The following CNTN2 variants were observed in gnomAD, a reference collection of about 807,000 sequenced individuals.
CNTN2 encodes contactin 2, also known as contactin-2.
In CNTN2, 53 loss-of-function variants were observed where a neutral mutation model predicts 117.5. That is an observed-to-expected ratio of 0.45 (90% confidence interval 0.36 to 0.57). The LOEUF is 0.57. Ranked by LOEUF, CNTN2 falls within the 20% of genes least tolerant of loss-of-function variation. CNTN2 has a pLI of 0.00. For synonymous variants in CNTN2, 530 were observed against 561.7 expected, an observed-to-expected ratio of 0.94 and a Z score of 0.80; for missense variants, 1,106 against 1,404.3, an observed-to-expected ratio of 0.79 and a Z score of 3.39.
At chr1:205,043,609 T>TC (rs960283888) in intron 1 of CNTN2, among the ~76,000 whole-genome samples, 1 of 152,064 alleles carries the variant, frequency 6.6e-6, no homozygotes, top group African/African-American at 2.4e-5. Flanking sequence ...GTGGGCGGCA[T>TC]CCCGCAGGGC....
chr1:205,062,434 G>T lies in CNTN2; in HGVS notation c.1111-6G>T. 1 of 1,611,068 alleles carries T rather than the reference G, an allele frequency of 6.2e-7. No individual in the cohort carries two copies. Among genetic ancestry groups the T allele is most frequent in the Non-Finnish European group, 8.5e-7 (1 of 1,178,510 alleles). On this transcript the variant is annotated splice_polypyrimidine_tract_variant and splice_region_variant and intron_variant, in intron 9 of 22. Transcript: ENST00000331830. Reference sequence around the variant, plus strand: ...ATCCCCCTGGGCTCTGGGCTCTTCTGCACAGAACCGGGTGGAGGTGTTGGC... The same window carrying T: ...ATCCCCCTGGGCTCTGGGCTCTTCTTCACAGAACCGGGTGGAGGTGTTGGC...
At chr1:205,071,911 T>C (rs2151199891) in intron 19 of CNTN2, 36 bp from the exon 20 acceptor site, 2 of 1,575,204 alleles carry the variant, frequency 1.3e-6, no homozygotes, top group South Asian at 2.4e-5. Flanking sequence ...ATCCTGGGCT[T>C]GACTACTACC....
chr1:205,067,345 T>A, intron 16 of CNTN2, 95 bp downstream of exon 16: 2 of 1,456,876 alleles, frequency 1.4e-6, no homozygotes, highest in Non-Finnish European at 1.9e-6. Context: ...TATGCTGAGT[T>A]CCAACCCTGC....
In CNTN2 at chr1:205,059,139, G is replaced by T; in HGVS notation, c.543G>T (p.Gly181=). 6.2e-7 allele frequency: 1 copy of T among 1,614,184 alleles called. No homozygotes were observed. Among genetic ancestry groups the T allele is most frequent in the Non-Finnish European group, 8.5e-7 (1 of 1,180,044 alleles). Residue 181 remains glycine (G), a synonymous_variant, in exon 6 of 23, where the codon GGG becomes GGT. Transcript: ENST00000331830. The surrounding 1 kb of genome is among the most constrained non-coding windows in gnomAD (Gnocchi z 5.6). The part of the protein sequence containing the change: ...NEFPNFIPTD[G]RHFVSQTTGN... ...TCCCCAACTTCATCCCGACGGACGG[G>T]CGTCACTTCGTGTCCCAGACCACAG...
chr1:205,060,553 A>G (rs1224446352), intron 7 of CNTN2: 1 of 151,918 alleles, frequency 6.6e-6, no homozygotes, highest in African/African-American at 2.4e-5. Context: ...TCTCTACTAA[A>G]AATACAAAAA....
Position 205,075,853 on chromosome 1 carries a change from C to G in CNTN2, c.*2088C>G, listed in dbSNP as rs1324328233. The G allele has an allele frequency of 1.3e-5, 2 of 152,244 alleles. No homozygotes were observed. Among genetic ancestry groups the G allele is most frequent in the African/African-American group, 4.8e-5 (2 of 41,464 alleles). 9.4% of individuals were successfully genotyped at this position (152,244 alleles called of 1,614,324 possible). On this transcript the variant is annotated 3_prime_UTR_variant, in exon 23 of 23. Transcript: ENST00000331830. ...TGGCCTAGCATCCCTCCTGGCCCCC[C>G]TCTGGCCACGACTTGGCCTGTGCCT...
chr1:205,072,105 T>C lies in CNTN2; in HGVS notation c.2703T>C (p.Pro901=), dbSNP rs2151200103. The change falls in exon 20 of 23, where the codon CCT becomes CCC. Residue 901 remains proline, a synonymous_variant. Coordinates refer to ENST00000331830, the MANE Select transcript of CNTN2 (RefSeq NM_005076.5). ...YNRAGTGPAS[P]SANATTMKPP... is the part of the protein sequence containing the mutation. ...GGGCTGGCACTGGGCCTGCCAGCCC[T>C]TCTGCCAACGCCACGACCATGAAGC... The C allele has an allele frequency of 1.9e-6, 3 of 1,612,660 alleles. No homozygotes were observed. Among genetic ancestry groups the C allele is most frequent in the Non-Finnish European group, 2.5e-6 (3 of 1,179,616 alleles).
At chr1:205,057,214 A>G (rs1653686426) in intron 2 of CNTN2, 1 of 152,182 alleles carries the variant, frequency 6.6e-6, no homozygotes, top group Non-Finnish European at 1.5e-5. Flanking sequence ...ACAGGTGAAG[A>G]TACTGAGGCT....
chr1:205,059,540 C>A lies in CNTN2; in HGVS notation c.698-43C>A. The A allele has an allele frequency of 6.4e-7, 1 of 1,562,882 alleles. No homozygotes were observed. Among genetic ancestry groups the A allele is most frequent in the Non-Finnish European group, 8.8e-7 (1 of 1,133,460 alleles). On this transcript the variant is annotated intron_variant, in intron 6 of 22. Coordinates refer to ENST00000331830, the MANE Select transcript of CNTN2 (RefSeq NM_005076.5). The surrounding 1 kb of genome is among the most constrained non-coding windows in gnomAD (Gnocchi z 5.6). ...GATCCCATGCACGGGAGCACCTGAC[C>A]TGGAGTCATCTGCATCTGATTTGTA... is the stretch of plus-strand genomic sequence containing the variant.
rs1258531315 is a variant in CNTN2, at chr1:205,075,625, TAC to T, written c.*1862_*1863del. 1 of 152,640 alleles carries T rather than the reference TAC, an allele frequency of 6.6e-6. No individual in the cohort carries two copies. The highest frequency in any genetic ancestry group is 2.4e-5 in the African/African-American group (1 of 41,444). The allele number at this position is 152,640 out of a possible 1,614,324, so 9.5% of individuals were successfully genotyped here. A position where few individuals can be genotyped will look rare whatever the true frequency, so the allele number is the denominator to read the frequency against. ...CAGGTTTATGTTGATGTTTACCCAC[TAC>T]AATTTTTTAAAAATATAAGCTCACA... is the stretch of plus-strand genomic sequence containing the variant. On this transcript the variant is annotated 3_prime_UTR_variant, in exon 23 of 23. Transcript: ENST00000331830.
In CNTN2 at chr1:205,058,488, T is replaced by C; in HGVS notation, c.392-80T>C. ...CACATGACATGCCTTAGTGAACTGC[T>C]GCTTCTCCGTGAAGGATGAGTCGGG... On this transcript the variant is annotated intron_variant, in intron 4 of 22. Transcript: ENST00000331830. This position sits in a 1 kb window ranked among gnomAD's most constrained non-coding sequence, Gnocchi z 4.3. The C allele has an allele frequency of 6.4e-7, 1 of 1,562,910 alleles. No individual in the cohort carries two copies. Among genetic ancestry groups the C allele is most frequent in the Non-Finnish European group, 8.8e-7 (1 of 1,138,956 alleles).
chr1:205,061,146 A>G lies in CNTN2; in HGVS notation c.798-99A>G. 7.7e-7 allele frequency: 1 copy of G among 1,299,260 alleles called. No homozygotes were observed. Among genetic ancestry groups the G allele is most frequent in the Non-Finnish European group, 1.1e-6 (1 of 946,174 alleles). 80.5% of individuals were successfully genotyped at this position (1,299,260 alleles called of 1,614,324 possible). A position where few individuals can be genotyped will look rare whatever the true frequency, so the allele number is the denominator to read the frequency against. On this transcript the variant is annotated intron_variant, in intron 7 of 22. Transcript: ENST00000331830. This position sits in a 1 kb window ranked among gnomAD's most constrained non-coding sequence, Gnocchi z 4.8. ...TCCCTCTGTTCCTCCCAGGCCCAGC[A>G]TCTCAGGAGGGCCTGAGAGTCTGGG...
rs535427876 is a variant in CNTN2 at position 205,070,732 on chromosome 1, C to T, written c.2544+194C>T. Reference sequence around the variant, plus strand: ...CCATGGCAGGCCAGGCGCGGTGGCTCATGCCTGTAATCCCATCACTTTGGG... The same window carrying T: ...CCATGGCAGGCCAGGCGCGGTGGCTTATGCCTGTAATCCCATCACTTTGGG... On this transcript the variant is annotated intron_variant, in intron 19 of 22. Coordinates refer to ENST00000331830, the MANE Select transcript of CNTN2 (RefSeq NM_005076.5). 144 of 478,670 alleles carry T rather than the reference C, an allele frequency of 3.0e-4. 1 individual carries two copies. Among genetic ancestry groups the T allele is most frequent in the African/African-American group, 2.5e-3 (124 of 50,576 alleles). The allele number at this position is 478,670 out of a possible 1,614,324, so 29.7% of individuals were successfully genotyped here.
chr1:205,076,893 G>C lies in CNTN2; in HGVS notation c.*3128G>C, dbSNP rs555218959. 2.6e-5 allele frequency: 4 copies of C among 152,382 alleles called. No homozygotes were observed. Among genetic ancestry groups the C allele is most frequent in the African/African-American group, 9.6e-5 (4 of 41,582 alleles). The allele number at this position is 152,382 out of a possible 1,614,324, so 9.4% of individuals were successfully genotyped here. On this transcript the variant is annotated 3_prime_UTR_variant, in exon 23 of 23. Transcript: ENST00000331830. ...GGGAGTGGCAAGGCCATGGGGGTAG[G>C]TGGGGGTGTCTTTTTCTTTTCATAA...
At position 205,064,833 on chromosome 1, in the gene CNTN2, T is replaced by C. The variant is rs373860438; in HGVS notation, c.1519+83T>C. 206 of 1,561,138 alleles carry C rather than the reference T, an allele frequency of 1.3e-4. 6 individuals carry two copies. The highest frequency in any genetic ancestry group is 1.1e-3 in the East Asian group (48 of 44,248). Reference sequence around the variant, plus strand: ...CCATCATCCTGCTCCTGTGTCCACATTGCTCCTAGTTTGGTGTCAAGGCCA... The same window carrying C: ...CCATCATCCTGCTCCTGTGTCCACACTGCTCCTAGTTTGGTGTCAAGGCCA... On this transcript the variant is annotated intron_variant, in intron 12 of 22. Coordinates refer to ENST00000331830, the MANE Select transcript of CNTN2 (RefSeq NM_005076.5).
chr1:205,053,038 G>A (rs1441445817), intron 1 of CNTN2, 62 bp from the exon 2 acceptor site: 2 of 502,416 alleles, frequency 4.0e-6, no homozygotes, highest in East Asian at 3.3e-5. Context: ...GGACCCAGAT[G>A]TGCCTGGAGC....
rs2096445032 is a variant in CNTN2, at chr1:205,048,198, C to T, written c.-87+4804C>T. 6.6e-6 allele frequency among the ~76,000 whole-genome samples: 1 copy of T among 152,232 alleles called. No individual in the cohort carries two copies. Among genetic ancestry groups the T allele is most frequent in the Non-Finnish European group, 1.5e-5 (1 of 68,038 alleles). ...TCTCATTGCTCTCCAATCTCCATTACTGGGGAGAAGGGGAGACAGATTCAG... is the reference window on the plus strand; with the variant it reads ...TCTCATTGCTCTCCAATCTCCATTATTGGGGAGAAGGGGAGACAGATTCAG... On this transcript the variant is annotated intron_variant, in intron 1 of 22. Coordinates refer to ENST00000331830, the MANE Select transcript of CNTN2 (RefSeq NM_005076.5). The surrounding 1 kb of genome is among the most constrained non-coding windows in gnomAD (Gnocchi z 4.1).
In CNTN2 at chr1:205,062,470, C is replaced by A; in HGVS notation, c.1141C>A (p.Arg381=). ...NRVEVLAGDL[R]FSKLSLEDSG... ...GGTGGAGGTGTTGGCTGGGGACCTGCGGTTCTCCAAGCTGAGCCTGGAAGA... is the reference window on the plus strand; with the variant it reads ...GGTGGAGGTGTTGGCTGGGGACCTGAGGTTCTCCAAGCTGAGCCTGGAAGA... The change falls in exon 10 of 23, where the codon CGG becomes AGG. Residue 381 remains arginine (R), a synonymous_variant. Coordinates refer to ENST00000331830, the MANE Select transcript of CNTN2 (RefSeq NM_005076.5). The A allele has an allele frequency of 6.2e-7, 1 of 1,613,952 alleles. No individual in the cohort carries two copies. Among genetic ancestry groups the A allele is most frequent in the East Asian group, 2.2e-5 (1 of 44,874 alleles).
In CNTN2 at chr1:205,065,369, G is replaced by T. The variant is rs1042366915; in HGVS notation, c.1695+107G>T. 6.6e-6 allele frequency: 8 copies of T among 1,203,666 alleles called. No individual in the cohort carries two copies. The highest frequency in any genetic ancestry group is 9.4e-6 in the Non-Finnish European group (8 of 852,238). 74.6% of individuals were successfully genotyped at this position (1,203,666 alleles called of 1,614,324 possible). On this transcript the variant is annotated intron_variant, in intron 13 of 22. Coordinates refer to ENST00000331830, the MANE Select transcript of CNTN2 (RefSeq NM_005076.5). This position sits in a 1 kb window ranked among gnomAD's most constrained non-coding sequence, Gnocchi z 4.1. ...CCTTTAAGAAACCCATAGCCTAAGC[G>T]CCCCCATTCCCTCAGGCCCACACAT... is the stretch of plus-strand genomic sequence containing the variant.
Sources: gnomAD v4.1 joint callset for allele counts (sites outside exome capture counted in the v4.1 genomes callset) on GRCh38, gnomAD v4.1.1 for gene constraint, Gnocchi (gnomAD v3.1) non-coding constraint, MANE v1.5 for transcripts, NCBI Gene and HGNC (gene_info 2026-07-23, HGNC 2026-07-21) for gene names.